CDK15: variants seen among roughly 807,000 people sequenced by gnomAD.
CDK15 encodes cyclin dependent kinase 15.
Under a neutral mutation model 60.3 loss-of-function variants are expected in CDK15, and 62 were observed. That is an observed-to-expected ratio of 1.03 (90% CI 0.84 to 1.27). The LOEUF (loss-of-function observed/expected upper bound fraction) is 1.27. Among genes scored for constraint, CDK15 ranks in the 50% most tolerant of loss-of-function variants. The probability of loss-of-function intolerance (pLI) is 0.00; values close to 1 mark genes in which losing one functional copy is unlikely to be tolerated. For synonymous variants in CDK15, 194 were observed against 195.7 expected, an observed-to-expected ratio of 0.99 and a Z score of 0.07; for missense variants, 541 against 527.8, an observed-to-expected ratio of 1.03 and a Z score of -0.25.
chr2:201,860,674 A>C (rs1445378294), intron 10 of CDK15: 1 of 1,347,500 alleles, frequency 7.4e-7, no homozygotes, highest in African/African-American at 1.5e-5. Context: ...GATGTACCAT[A>C]AGCGACAGGC....
At chr2:201,815,721 C>T (rs1018662354) in intron 4 of CDK15, among the ~76,000 whole-genome samples, 2 of 152,176 alleles carry the variant, frequency 1.3e-5, no homozygotes, top group Non-Finnish European at 2.9e-5. Flanking sequence ...TTGGTTTAAA[C>T]TGAGGACTTT....
intron 8 of CDK15, among the ~76,000 whole-genome samples, chr2:201,839,080 T>C (rs1053980231): frequency 2.6e-5 from 4 of 152,226 alleles, no homozygotes; most frequent in African/African-American, 9.6e-5. Context: ...ATATTGCTTC[T>C]AGTCTTCTGT....
At chr2:201,876,672 G>T in intron 11 of CDK15, 1 of 767,830 alleles carries the variant, frequency 1.3e-6, no homozygotes, top group Non-Finnish European at 1.9e-6. Context: ...CAACCCTGTG[G>T]GGAGGGTGAG....
chr2:201,837,799 C>T lies in CDK15; in HGVS notation c.851+2036C>T, dbSNP rs373372406. ...GGGTTTATATAAAAACACAAAGCCCCATTTTCAAAAATCCATAATTGATTT... is the reference window on the plus strand; with the variant it reads ...GGGTTTATATAAAAACACAAAGCCCTATTTTCAAAAATCCATAATTGATTT... On this transcript the variant is annotated intron_variant, in intron 8 of 13. Transcript: ENST00000652192. Among the ~76,000 whole-genome samples, 344 of 152,164 alleles carry T rather than the reference C, an allele frequency of 2.3e-3. 1 individual carries two copies. The highest frequency in any genetic ancestry group is 7.9e-3 in the African/African-American group (328 of 41,516).
intron 4 of CDK15, 33 bp from the exon 5 acceptor site, chr2:201,822,775 AT>A: frequency 8.0e-7 from 1 of 1,247,920 alleles, no homozygotes; most frequent in Non-Finnish European, 1.2e-6. Flanking sequence ...TTCATTATCA[AT>A]GATGGATTTA....
chr2:201,859,339 C>G (rs866536407), intron 10 of CDK15, among the ~76,000 whole-genome samples: 7 of 152,134 alleles, frequency 4.6e-5, no homozygotes, highest in Admixed American at 4.6e-4. Flanking sequence ...AAATGGCGAA[C>G]CTCTAGAGAC....
intron 9 of CDK15, among the ~76,000 whole-genome samples, chr2:201,848,292 G>T (rs1288004187): frequency 2.6e-5 from 4 of 152,064 alleles, no homozygotes; most frequent in African/African-American, 9.7e-5. Context: ...AGTTGCCTAT[G>T]ATATGCTTTG....
chr2:201,845,945 A>G (rs1337939585), intron 8 of CDK15, among the ~76,000 whole-genome samples: 2 of 152,090 alleles, frequency 1.3e-5, no homozygotes, highest in African/African-American at 4.8e-5. Context: ...TGAGAATAAA[A>G]ATCTGATTTT....
At chr2:201,815,111 C>T (rs1483941106) in intron 4 of CDK15, among the ~76,000 whole-genome samples, 1 of 152,068 alleles carries the variant, frequency 6.6e-6, no homozygotes, top group Non-Finnish European at 1.5e-5. Flanking sequence ...GCCACCACAC[C>T]CAGCTAATTT....
Position 201,807,561 on chromosome 2 carries a change from G to C in CDK15, c.191G>C (p.Arg64Pro). ...CACCCCAGGGGACTTCAAGCTGCCC[G>C]TGCCCAGAAGTTCAAGAGTAAAAGG... The part of the protein sequence containing the change: ...SFHPRGLQAA[R>P]AQKFKSKRPR... Residue 64 changes from arginine to proline, a missense_variant, in exon 2 of 14, where the codon CGT (arginine) becomes CCT (proline). Arg to Pro is a moderately radical substitution (Grantham distance 103). Coordinates refer to ENST00000652192, the MANE Select transcript of CDK15 (RefSeq NM_001366386.2). 6.2e-7 allele frequency: 1 copy of C among 1,614,150 alleles called. No individual in the cohort carries two copies. The highest frequency in any genetic ancestry group is 8.5e-7 in the Non-Finnish European group (1 of 1,180,024).
intron 8 of CDK15, among the ~76,000 whole-genome samples, chr2:201,844,267 G>T (rs1256436429): frequency 1.3e-5 from 2 of 152,258 alleles, no homozygotes; most frequent in South Asian, 4.1e-4. Context: ...AAAACAAAAT[G>T]GTCTGAGGCC....
intron 6 of CDK15, among the ~76,000 whole-genome samples, chr2:201,829,101 A>T (rs1334465734): frequency 6.6e-6 from 1 of 152,234 alleles, no homozygotes; most frequent in African/African-American, 2.4e-5. Flanking sequence ...AATGGTTTTA[A>T]ACAAAGAGGT....
chr2:201,889,603 C>A, intron 12 of CDK15: 1 of 188,634 alleles, frequency 5.3e-6, no homozygotes, highest in Non-Finnish European at 9.9e-6. Flanking sequence ...TCAGGAGTAG[C>A]AAGCACTTAA....
At chr2:201,845,845 A>AAG (rs71407901) in intron 8 of CDK15, among the ~76,000 whole-genome samples, 250 of 92,062 alleles carry the variant, frequency 2.7e-3, no homozygotes, top group African/African-American at 0.012. Context: ...AAAAAAAAAA[A>AAG]AGAGAGAGAG....
Position 201,807,673 on chromosome 2 carries a change from G to T in CDK15, c.273+30G>T, listed in dbSNP as rs1318075052. The stretch of plus-strand genomic sequence containing the variant: ...GTGAGCAGCTGATGTTGATCAAGAA[G>T]AATTTAATGTGAGCTTGTCTACGGA... On this transcript the variant is annotated intron_variant, in intron 2 of 13. Coordinates refer to ENST00000652192, the MANE Select transcript of CDK15 (RefSeq NM_001366386.2). 1.9e-6 allele frequency: 3 copies of T among 1,612,992 alleles called. No homozygotes were observed. The East Asian group carries it at 6.7e-5, about 36-fold the overall frequency.
chr2:201,819,437 C>A (rs1696128550), intron 4 of CDK15, among the ~76,000 whole-genome samples: 1 of 152,084 alleles, frequency 6.6e-6, no homozygotes, highest in Admixed American at 6.6e-5. Context: ...ATGGGCACAG[C>A]CAACAGTAGG....
intron 10 of CDK15, among the ~76,000 whole-genome samples, chr2:201,869,680 G>A (rs1185164211): frequency 2.6e-5 from 4 of 151,774 alleles, no homozygotes; most frequent in African/African-American, 7.3e-5. Context: ...CCCAACCCAT[G>A]TGCCACAAGA....
At chr2:201,835,972 A>ATT (rs34332981) in intron 8 of CDK15, among the ~76,000 whole-genome samples, 24,375 of 99,438 alleles carry the variant, frequency 0.25, 2,736 homozygotes, top group South Asian at 0.47. Flanking sequence ...ATATTTATAT[A>ATT]TTTATATATT....
chr2:201,815,034 C>T (rs905902905), intron 4 of CDK15, among the ~76,000 whole-genome samples: 1 of 150,862 alleles, frequency 6.6e-6, no homozygotes, highest in East Asian at 1.9e-4. Context: ...TTACTGCAAC[C>T]TCTGCCTTCG....
Sources: gnomAD v4.1 joint callset for allele counts (sites outside exome capture counted in the v4.1 genomes callset) on GRCh38, gnomAD v4.1.1 for gene constraint, MANE v1.5 for transcripts, NCBI Gene and HGNC (gene_info 2026-07-23, HGNC 2026-07-21) for gene names.